The following MYO1B variants were observed in gnomAD, a reference collection of about 807,000 sequenced individuals.
MYO1B encodes the protein myosin IB.
Under a neutral mutation model 159.7 loss-of-function variants are expected in MYO1B, and 72 were observed. That is an observed-to-expected ratio of 0.45 (90% CI 0.37 to 0.55). The LOEUF (loss-of-function observed/expected upper bound fraction) is 0.55, where lower values mean the gene tolerates loss of function less well. Ranked by LOEUF, MYO1B falls within the 20% of genes least tolerant of loss-of-function variation. The pLI, the probability that MYO1B is intolerant of heterozygous loss-of-function variation, is 0.00. For synonymous variants in MYO1B, 468 were observed against 473.8 expected (o/e 0.99, Z 0.16); for missense variants, 1,062 against 1,364.8 (o/e 0.78, Z 3.50).
chr2:191,362,402 A>G (rs774436336), intron 9 of MYO1B, 31 bp downstream of exon 9: 27 of 1,537,034 alleles, frequency 1.8e-5, no homozygotes, highest in Non-Finnish European at 2.4e-5. Flanking sequence ...CAAGCTTTAA[A>G]TTGCATACCA....
At position 191,412,855 on chromosome 2, in the gene MYO1B, AT is replaced by A. The variant is rs200101977; in HGVS notation, c.2874-1191del. Among the ~76,000 whole-genome samples, 5 of 147,382 alleles carry A rather than the reference AT, an allele frequency of 3.4e-5. No individual in the cohort carries two copies. In the East Asian group the frequency reaches 1.0e-3, roughly 30 times the overall value. On this transcript the variant is annotated intron_variant, in intron 27 of 30. Transcript: ENST00000392318. ...AATTAGTTTGTTTGGGAAAAAAAAA[AT>A]TGCCCTGATTCTGAATGTTTGCTTT...
chr2:191,320,767 G>T (rs1690658382), intron 3 of MYO1B, among the ~76,000 whole-genome samples: 1 of 152,002 alleles, frequency 6.6e-6, no homozygotes, highest in Non-Finnish European at 1.5e-5. Flanking sequence ...GCACAGCCCT[G>T]TGAGGCTTCA....
At chr2:191,315,942 C>T (rs944082876) in intron 3 of MYO1B, among the ~76,000 whole-genome samples, 1 of 152,158 alleles carries the variant, frequency 6.6e-6, no homozygotes. Flanking sequence ...AACAAGGTTT[C>T]GGCTCCGTAG....
intron 21 of MYO1B, 32 bp from the exon 22 acceptor site, chr2:191,400,350 C>T (rs764018154): frequency 3.7e-6 from 6 of 1,603,004 alleles, no homozygotes; most frequent in Non-Finnish European, 5.1e-6. Flanking sequence ...TATTTTTAAA[C>T]ATTCTCTCTT....
chr2:191,264,934 T>C (rs1687041582), intron 1 of MYO1B, among the ~76,000 whole-genome samples: 1 of 151,988 alleles, frequency 6.6e-6, no homozygotes, highest in Non-Finnish European at 1.5e-5. Context: ...AACTGAGGCT[T>C]GAAGGTGGCA....
intron 5 of MYO1B, 96 bp from the exon 6 acceptor site, chr2:191,346,140 C>A: frequency 1.1e-6 from 1 of 932,378 alleles, no homozygotes; most frequent in Non-Finnish European, 1.6e-6. Context: ...GTTGTATTTT[C>A]CAGAAATCAT....
At chr2:191,378,052 C>T (rs1201992335) in intron 13 of MYO1B, 1 of 151,542 alleles carries the variant, frequency 6.6e-6, no homozygotes, top group Non-Finnish European at 1.5e-5. Flanking sequence ...AGAGTAAGTT[C>T]AGACAGTCAA....
intron 18 of MYO1B, among the ~76,000 whole-genome samples, 195 bp from the exon 19 acceptor site, chr2:191,391,913 A>G (rs1007350737): frequency 6.6e-6 from 1 of 152,190 alleles, no homozygotes; most frequent in African/African-American, 2.4e-5. Flanking sequence ...TATGAACCCA[A>G]ATTTACTTTT....
Position 191,383,278 on chromosome 2 carries a change from A to T in MYO1B, c.1291-2A>T. The T allele has an allele frequency of 1.9e-6, 3 of 1,567,226 alleles. No homozygotes were observed. The highest frequency in any genetic ancestry group is 2.6e-6 in the Non-Finnish European group (3 of 1,157,166). ...TGGATTTTGTTCTGTTTTGTCTTTT[A>T]GGATATAGAATGGACTCACATTGAC... On this transcript the variant is annotated splice_acceptor_variant, in intron 14 of 30. Transcript: ENST00000392318. LOFTEE classifies it high-confidence loss of function.
intron 14 of MYO1B, among the ~76,000 whole-genome samples, chr2:191,382,554 A>G (rs952453003): frequency 1.3e-5 from 2 of 152,224 alleles, no homozygotes; most frequent in African/African-American, 2.4e-5. Flanking sequence ...TGGGTAACTT[A>G]AAACAGTTTA....
At chr2:191,365,526 T>C (rs919778838) in intron 11 of MYO1B, among the ~76,000 whole-genome samples, 1 of 152,238 alleles carries the variant, frequency 6.6e-6, no homozygotes, top group Non-Finnish European at 1.5e-5. Flanking sequence ...TCCTTCCTCC[T>C]AAATTACTGC....
At chr2:191,267,163 C>T (rs1010712168) in intron 1 of MYO1B, among the ~76,000 whole-genome samples, 2 of 152,118 alleles carry the variant, frequency 1.3e-5, no homozygotes, top group Non-Finnish European at 2.9e-5. Flanking sequence ...AATAGCCCCT[C>T]CCACTCACAG....
Position 191,402,780 on chromosome 2 carries a change from C to A in MYO1B, c.2556+62C>A, listed in dbSNP as rs1696693564. The A allele has an allele frequency of 2.3e-6, 3 of 1,283,100 alleles. 1 individual carries two copies. In the South Asian group the frequency reaches 4.3e-5, roughly 19 times the overall value. The allele number at this position is 1,283,100 out of a possible 1,614,324, so 79.5% of individuals were successfully genotyped here. A position where few individuals can be genotyped will look rare whatever the true frequency, so the allele number is the denominator to read the frequency against. ...CTTCATAAAGCCTAGCACCTACTAA[C>A]CCTGAGAAAATGATTGATTATGCTT... is the stretch of plus-strand genomic sequence containing the variant. On this transcript the variant is annotated intron_variant, in intron 24 of 30. Coordinates refer to ENST00000392318, the MANE Select transcript of MYO1B (RefSeq NM_001130158.3).
At chr2:191,284,937 A>T (rs1034219130) in intron 2 of MYO1B, among the ~76,000 whole-genome samples, 10 of 152,022 alleles carry the variant, frequency 6.6e-5, no homozygotes, top group African/African-American at 2.2e-4. Context: ...CCTAGCCAAG[A>T]CCCTGGTATT....
chr2:191,368,145 G>A (rs971558430), intron 11 of MYO1B, among the ~76,000 whole-genome samples: 25 of 152,150 alleles, frequency 1.6e-4, no homozygotes, highest in African/African-American at 6.0e-4. Context: ...GTGTTATGTT[G>A]CCAGGGAAGT....
intron 13 of MYO1B, among the ~76,000 whole-genome samples, chr2:191,378,432 A>G (rs1455396443): frequency 6.6e-6 from 1 of 151,912 alleles, no homozygotes; most frequent in East Asian, 1.9e-4. Flanking sequence ...GTTAAGAGCA[A>G]TGTTTTGGGG....
intron 23 of MYO1B, 79 bp downstream of exon 23, chr2:191,400,914 G>C: frequency 7.5e-7 from 1 of 1,335,680 alleles, no homozygotes; most frequent in Non-Finnish European, 1.0e-6. Flanking sequence ...ATTAGGGGAT[G>C]AATGACTACA....
At chr2:191,326,664 C>G (rs988227769) in intron 3 of MYO1B, among the ~76,000 whole-genome samples, 1 of 151,726 alleles carries the variant, frequency 6.6e-6, no homozygotes, top group Non-Finnish European at 1.5e-5. Context: ...AGTATTTCAG[C>G]CTGGATAGAG....
chr2:191,419,101 T>A (rs1458887964), intron 30 of MYO1B, among the ~76,000 whole-genome samples: 1 of 152,254 alleles, frequency 6.6e-6, no homozygotes, highest in Non-Finnish European at 1.5e-5. Flanking sequence ...GTGCTGCTGC[T>A]GGTGTAAACA....
Sources: allele counts gnomAD v4.1 joint callset (sites outside exome capture counted in the v4.1 genomes callset), GRCh38; gene constraint gnomAD v4.1.1; transcripts MANE v1.5; gene names NCBI Gene and HGNC (gene_info 2026-07-23, HGNC 2026-07-21).